Variants in HK2 observed in about 807,000 individuals in gnomAD.
HK2 encodes hexokinase 2, also known as hexokinase-2.
In HK2, 42 loss-of-function variants were observed where a neutral mutation model predicts 92.9. That is an observed-to-expected ratio of 0.45 (90% CI 0.35 to 0.58). HK2 has a LOEUF of 0.58. Among genes scored for constraint, HK2 ranks in the 20% least tolerant of loss-of-function variants. HK2 has a pLI of 0.00. For synonymous variants in HK2, 422 were observed against 468.0 expected (o/e 0.90, Z 1.27); for missense variants, 978 against 1,245.1 (o/e 0.79, Z 3.23).
Position 74,834,702 on chromosome 2 carries a change from C to T in HK2, c.63+59C>T. The T allele has an allele frequency of 1.3e-6, 2 of 1,559,596 alleles. No individual in the cohort carries two copies. Among genetic ancestry groups the T allele is most frequent in the Middle Eastern group, 1.7e-4 (1 of 5,984 alleles). ...TCTGGCAAAGTGGTCTGGCCTCCAT[C>T]AGTCTCTTCCTCGACCCTGCGGGGA... On this transcript the variant is annotated intron_variant, in intron 1 of 17. Transcript: ENST00000290573. This position sits in a 1 kb window ranked among gnomAD's most constrained non-coding sequence, Gnocchi z 4.2.
intron 7 of HK2, among the ~76,000 whole-genome samples, chr2:74,876,734 T>C (rs1689242154): frequency 6.6e-6 from 1 of 152,234 alleles, no homozygotes; most frequent in African/African-American, 2.4e-5. Flanking sequence ...TATGAGCTGA[T>C]GAGTTTCTAG....
Position 74,889,341 on chromosome 2 carries a change from T to G in HK2, c.2472T>G (p.Thr824=). ...DDSIIVKEVC[T]VVARRAAQLC... is the part of the protein sequence containing the mutation. ...GCATCATTGTTAAGGAGGTGTGCAC[T>G]GTGGTGGCCCGGCGGGCAGCCCAGC... is the stretch of plus-strand genomic sequence containing the variant. Residue 824 remains threonine (T), a synonymous_variant, in exon 17 of 18, where the codon ACT becomes ACG. Coordinates refer to ENST00000290573, the MANE Select transcript of HK2 (RefSeq NM_000189.5). 6.2e-7 allele frequency: 1 copy of G among 1,614,236 alleles called. No individual in the cohort carries two copies. Among genetic ancestry groups the G allele is most frequent in the South Asian group, 1.1e-5 (1 of 91,086 alleles).
chr2:74,871,135 TG>T (rs1368379005), intron 3 of HK2, among the ~76,000 whole-genome samples: 2 of 152,186 alleles, frequency 1.3e-5, no homozygotes, highest in Non-Finnish European at 2.9e-5. Context: ...TGCTAACAGA[TG>T]GCTGGGCCCC....
intron 1 of HK2, among the ~76,000 whole-genome samples, chr2:74,840,210 G>T (rs1688271725): frequency 6.7e-6 from 1 of 150,008 alleles, no homozygotes; most frequent in South Asian, 2.1e-4. Context: ...ACCTGCCTAG[G>T]CCTCCCAAAG....
At chr2:74,868,321 G>A (rs1295762221) in intron 3 of HK2, among the ~76,000 whole-genome samples, 6 of 152,090 alleles carry the variant, frequency 3.9e-5, no homozygotes, top group East Asian at 1.9e-4. Flanking sequence ...CCAGTATAAC[G>A]TCAGGAGGGA....
chr2:74,862,871 A>G (rs995943105), intron 2 of HK2, among the ~76,000 whole-genome samples: 5 of 152,024 alleles, frequency 3.3e-5, no homozygotes, highest in African/African-American at 1.2e-4. Context: ...TTGTGGAGGG[A>G]GGTGCTGACT....
intron 1 of HK2, among the ~76,000 whole-genome samples, chr2:74,840,250 C>G (rs935750164): frequency 6.6e-6 from 1 of 151,106 alleles, no homozygotes; most frequent in African/African-American, 2.4e-5. Flanking sequence ...TGAGCCACCG[C>G]GCCAGGCATT....
intron 8 of HK2, among the ~76,000 whole-genome samples, chr2:74,877,714 C>A (rs1689268844): frequency 6.6e-6 from 1 of 152,178 alleles, no homozygotes; most frequent in Non-Finnish European, 1.5e-5. Context: ...CTGTCATGAC[C>A]CCTGCTTCAT....
intron 1 of HK2, among the ~76,000 whole-genome samples, chr2:74,838,851 G>A (rs1688236461): frequency 6.6e-6 from 1 of 152,090 alleles, no homozygotes. Flanking sequence ...TCTTTCTATT[G>A]ATTGAGATAA....
chr2:74,834,987 G>C lies in HK2; in HGVS notation c.63+344G>C, dbSNP rs1688119273. 6.6e-6 allele frequency among the ~76,000 whole-genome samples: 1 copy of C among 152,214 alleles called. No individual in the cohort carries two copies. The highest frequency in any genetic ancestry group is 1.5e-5 in the Non-Finnish European group (1 of 68,034). On this transcript the variant is annotated intron_variant, in intron 1 of 17. Transcript: ENST00000290573. This position sits in a 1 kb window ranked among gnomAD's most constrained non-coding sequence, Gnocchi z 4.2. ...GGGATTGCTGCGCCCACGTGGGAGG[G>C]AGCCCCCTTCTGCAGCGCGAGTTCC...
intron 2 of HK2, among the ~76,000 whole-genome samples, chr2:74,863,963 C>A (rs1166714846): frequency 1.3e-5 from 2 of 152,226 alleles, no homozygotes; most frequent in Non-Finnish European, 2.9e-5. Context: ...GAGCCAGAGG[C>A]TCTAAGGTTG....
rs1689181277 is a variant in HK2 at position 74,874,540 on chromosome 2, T to C, written c.875+91T>C. 9 of 1,268,906 alleles carry C rather than the reference T, an allele frequency of 7.1e-6. No individual in the cohort carries two copies. The East Asian group carries it at 1.0e-4, about 14-fold the overall frequency. The allele number at this position is 1,268,906 out of a possible 1,614,324, so 78.6% of individuals were successfully genotyped here. ...GGGCCAGGGGGTTGTTTCTTTACAG[T>C]CTTACATCCCCAAAGCTTGCCAAGG... On this transcript the variant is annotated intron_variant, in intron 7 of 17. Coordinates refer to ENST00000290573, the MANE Select transcript of HK2 (RefSeq NM_000189.5).
intron 8 of HK2, among the ~76,000 whole-genome samples, chr2:74,878,413 CTGTGTGTGTGTGTG>C (rs56015017): frequency 6.7e-6 from 1 of 149,816 alleles, no homozygotes; most frequent in African/African-American, 2.5e-5. Context: ...CCGTGTGTCT[CTGTGTGTGTGTGTG>C]TGTGTGTGTG....
At chr2:74,837,380 C>G (rs1008675327) in intron 1 of HK2, among the ~76,000 whole-genome samples, 1 of 152,236 alleles carries the variant, frequency 6.6e-6, no homozygotes, top group African/African-American at 2.4e-5. Flanking sequence ...ACAGATGGAA[C>G]TAGCTCTTCT....
intron 2 of HK2, among the ~76,000 whole-genome samples, chr2:74,861,275 G>A (rs778215216): frequency 1.3e-5 from 2 of 152,102 alleles, no homozygotes; most frequent in Non-Finnish European, 2.9e-5. Context: ...TAAAAAATTA[G>A]CCGGTTGTGG....
chr2:74,834,573 G>A lies in HK2; in HGVS notation c.-8G>A, dbSNP rs535814177. 9 of 1,613,816 alleles carry A rather than the reference G, an allele frequency of 5.6e-6. No individual in the cohort carries two copies. Among genetic ancestry groups the A allele is most frequent in the South Asian group, 1.1e-5 (1 of 91,080 alleles). ...TTTCCCAACTCTGCGCCGTCGGGCC[G>A]CGGCAGGATGATTGCCTCGCATCTG... On this transcript the variant is annotated 5_prime_UTR_variant, in exon 1 of 18. Coordinates refer to ENST00000290573, the MANE Select transcript of HK2 (RefSeq NM_000189.5). The surrounding 1 kb of genome is among the most constrained non-coding windows in gnomAD (Gnocchi z 4.2).
At chr2:74,875,453 T>C (rs1339371995) in intron 7 of HK2, among the ~76,000 whole-genome samples, 1 of 150,248 alleles carries the variant, frequency 6.7e-6, no homozygotes, top group Non-Finnish European at 1.5e-5. Context: ...CTCAGCTTCC[T>C]GAGTAGCTGG....
chr2:74,868,857 GAAC>G (rs1378528014), intron 3 of HK2, among the ~76,000 whole-genome samples: 1 of 152,168 alleles, frequency 6.6e-6, no homozygotes, highest in African/African-American at 2.4e-5. Context: ...AGTTTTACAA[GAAC>G]AACACCCTCC....
chr2:74,860,927 T>A (rs1297521552), intron 2 of HK2, among the ~76,000 whole-genome samples: 2 of 152,250 alleles, frequency 1.3e-5, no homozygotes, highest in Non-Finnish European at 2.9e-5. Context: ...GTTTCTTTTT[T>A]TCAGTGGAGA....
Sources: gnomAD v4.1 joint callset for allele counts (sites outside exome capture counted in the v4.1 genomes callset) on GRCh38, gnomAD v4.1.1 for gene constraint, Gnocchi (gnomAD v3.1) non-coding constraint, MANE v1.5 for transcripts, NCBI Gene and HGNC (gene_info 2026-07-23, HGNC 2026-07-21) for gene names.